CNTN3: variants seen among roughly 807,000 people sequenced by gnomAD.
CNTN3 encodes contactin 3.
Under a neutral mutation model 119.1 loss-of-function variants are expected in CNTN3, and 60 were observed. The observed-to-expected ratio is 0.50, with a 90% CI of 0.41 to 0.62. The LOEUF (loss-of-function observed/expected upper bound fraction) is 0.62, where lower values mean the gene tolerates loss of function less well. Ranked by LOEUF, CNTN3 falls within the 20% of genes least tolerant of loss-of-function variation. The probability of loss-of-function intolerance (pLI) is 0.00; values close to 1 mark genes in which losing one functional copy is unlikely to be tolerated. For synonymous variants in CNTN3, 450 were observed against 438.7 expected (o/e 1.03, Z -0.32); for missense variants, 1,101 against 1,242.4 (o/e 0.89, Z 1.71).
intron 4 of CNTN3, among the ~76,000 whole-genome samples, chr3:74,447,259 C>A (rs1702065198): frequency 6.6e-6 from 1 of 152,128 alleles, no homozygotes; most frequent in African/African-American, 2.4e-5. Flanking sequence ...GCTGTGGCCT[C>A]CAGTAGGAGG....
chr3:74,456,364 G>T (rs959756339), intron 4 of CNTN3, among the ~76,000 whole-genome samples: 9 of 152,020 alleles, frequency 5.9e-5, no homozygotes, highest in African/African-American at 1.9e-4. Flanking sequence ...TATTGCAGTA[G>T]CATGAAATGT....
chr3:74,435,987 C>T (rs916565762), intron 4 of CNTN3, among the ~76,000 whole-genome samples: 16 of 152,216 alleles, frequency 1.1e-4, no homozygotes, highest in Admixed American at 2.6e-4. Context: ...CCTGCTAAAA[C>T]GCCTATACAC....
chr3:74,288,112 A>G (rs559729498), intron 19 of CNTN3, among the ~76,000 whole-genome samples: 2 of 152,134 alleles, frequency 1.3e-5, no homozygotes, highest in South Asian at 2.1e-4. Context: ...CATAGTCTCA[A>G]AAAAAGTACT....
chr3:74,401,292 A>G (rs750296449), intron 5 of CNTN3, among the ~76,000 whole-genome samples: 4 of 152,182 alleles, frequency 2.6e-5, no homozygotes, highest in Non-Finnish European at 4.4e-5. Context: ...TGTTCATACT[A>G]AAAAAGAGAT....
At chr3:74,580,337 C>T (rs962642182) in intron 1 of CNTN3, among the ~76,000 whole-genome samples, 9 of 152,102 alleles carry the variant, frequency 5.9e-5, no homozygotes, top group African/African-American at 1.2e-4. Flanking sequence ...TACAAAATCT[C>T]GTTCAAAACA....
intron 1 of CNTN3, among the ~76,000 whole-genome samples, chr3:74,598,494 T>C (rs772423963): frequency 6.6e-5 from 10 of 152,108 alleles, no homozygotes; most frequent in Non-Finnish European, 1.2e-4. Context: ...TTTTATTTTT[T>C]TTGTGGCCCA....
intron 1 of CNTN3, among the ~76,000 whole-genome samples, chr3:74,562,043 G>A (rs560500353): frequency 6.6e-6 from 1 of 152,088 alleles, no homozygotes; most frequent in Non-Finnish European, 1.5e-5. Context: ...GTTCTCCCAA[G>A]CCTGACTCAT....
intron 1 of CNTN3, among the ~76,000 whole-genome samples, chr3:74,597,439 G>A (rs2106698292): frequency 6.6e-6 from 1 of 151,938 alleles, no homozygotes; most frequent in South Asian, 2.1e-4. Flanking sequence ...CTGAGCTGTG[G>A]CTTTGTGAAA....
intron 1 of CNTN3, among the ~76,000 whole-genome samples, chr3:74,570,236 G>C (rs952783816): frequency 5.3e-5 from 8 of 152,006 alleles, no homozygotes; most frequent in Admixed American, 2.6e-4. Flanking sequence ...GGGGAATCCT[G>C]GGGGCCATCT....
At position 74,426,979 on chromosome 3, in the gene CNTN3, A is replaced by G. The variant is rs1701705171; in HGVS notation, c.359-2039T>C. Among the ~76,000 whole-genome samples the G allele has an allele frequency of 2.6e-5, 4 of 152,158 alleles. No individual in the cohort carries two copies. In the South Asian group the frequency reaches 8.3e-4, roughly 32 times the overall value. ...ACAGTGTGGATGTTTTCTATCACTG[A>G]TTTTAGCTAGAATATGCAAAAATGT... On this transcript the variant is annotated intron_variant, in intron 4 of 22. Coordinates refer to ENST00000263665, the MANE Select transcript of CNTN3 (RefSeq NM_020872.3).
chr3:74,307,243 A>G (rs1465695189), intron 13 of CNTN3, among the ~76,000 whole-genome samples: 4 of 152,188 alleles, frequency 2.6e-5, no homozygotes. Flanking sequence ...CAGAAAATAA[A>G]AAGTTCACTG....
chr3:74,503,775 CA>C (rs1266136557), intron 2 of CNTN3, among the ~76,000 whole-genome samples: 3 of 152,080 alleles, frequency 2.0e-5, no homozygotes, highest in Admixed American at 1.3e-4. Flanking sequence ...CTTTTTGTGA[CA>C]GGGGCATTTT....
At chr3:74,501,334 C>T (rs1023057014) in intron 2 of CNTN3, among the ~76,000 whole-genome samples, 62 of 151,978 alleles carry the variant, frequency 4.1e-4, no homozygotes, top group Admixed American at 2.0e-3. Context: ...ACTCTAGACA[C>T]GGAGGCTCAA....
At chr3:74,593,299 G>C (rs1704735587) in intron 1 of CNTN3, among the ~76,000 whole-genome samples, 1 of 151,920 alleles carries the variant, frequency 6.6e-6, no homozygotes, top group South Asian at 2.1e-4. Flanking sequence ...AGGCATGTAA[G>C]TGGTTGAAAG....
At chr3:74,532,783 T>C (rs1703712077) in intron 1 of CNTN3, among the ~76,000 whole-genome samples, 1 of 151,982 alleles carries the variant, frequency 6.6e-6, no homozygotes. Context: ...TGACGTTGGG[T>C]AACTGAAACC....
At chr3:74,369,819 C>A in intron 7 of CNTN3, 70 bp downstream of exon 7, 1 of 862,760 alleles carries the variant, frequency 1.2e-6, no homozygotes, top group East Asian at 2.8e-5. Context: ...AAGAGTCTCT[C>A]AAAAACCATC....
intron 1 of CNTN3, among the ~76,000 whole-genome samples, chr3:74,554,647 G>T (rs965128888): frequency 1.3e-5 from 2 of 152,134 alleles, no homozygotes; most frequent in African/African-American, 4.8e-5. Context: ...CTTGTAAGTT[G>T]GACTCCTAGA....
At chr3:74,412,343 G>A (rs1404424535) in intron 5 of CNTN3, among the ~76,000 whole-genome samples, 1 of 152,150 alleles carries the variant, frequency 6.6e-6, no homozygotes, top group African/African-American at 2.4e-5. Context: ...AGGGGAGAAT[G>A]TTTAATTACT....
chr3:74,588,687 G>A (rs1280398791), intron 1 of CNTN3, among the ~76,000 whole-genome samples: 2 of 152,032 alleles, frequency 1.3e-5, no homozygotes, highest in East Asian at 1.9e-4. Context: ...GAGGCATCAT[G>A]CTACCTGACT....
Sources: allele counts gnomAD v4.1 joint callset (sites outside exome capture counted in the v4.1 genomes callset), GRCh38; gene constraint gnomAD v4.1.1; transcripts MANE v1.5; gene names NCBI Gene and HGNC (gene_info 2026-07-23, HGNC 2026-07-21).